The following GALNT18 variants were observed in gnomAD, a reference collection of about 807,000 sequenced individuals.
GALNT18 encodes the protein GalNAc-transferase 18.
GALNT18 carries 44 observed loss-of-function variants against 69.5 expected under a neutral mutation model. That is an observed-to-expected ratio of 0.63 (90% CI 0.50 to 0.81). The LOEUF is 0.81. Ranked by LOEUF, GALNT18 falls within the 40% of genes least tolerant of loss-of-function variation. GALNT18 has a pLI of 0.00. For missense variants in GALNT18, 715 were observed against 810.0 expected (o/e 0.88, Z 1.42); for synonymous variants, 364 against 318.2 (o/e 1.14, Z -1.53).
In GALNT18 at chr11:11,605,373, C is replaced by T. The variant is rs1178021094; in HGVS notation, c.235+15986G>A. Among the ~76,000 whole-genome samples, 1 of 152,226 alleles carries T rather than the reference C, an allele frequency of 6.6e-6. No homozygotes were observed. Among genetic ancestry groups the T allele is most frequent in the East Asian group, 1.9e-4 (1 of 5,180 alleles). On this transcript the variant is annotated intron_variant, in intron 1 of 10. Transcript: ENST00000227756. The surrounding 1 kb of genome is among the most constrained non-coding windows in gnomAD (Gnocchi z 4.7). ...GGGTTGCCCTCTCTCAGCTCCCTCT[C>T]CTCACTGCAGACCTTTCCCGACACC...
chr11:11,596,938 T>A lies in GALNT18; in HGVS notation c.235+24421A>T, dbSNP rs60020974. Among the ~76,000 whole-genome samples, 3,762 of 152,280 alleles carry A rather than the reference T, an allele frequency of 0.025. 165 individuals carry two copies. The highest frequency in any genetic ancestry group is 0.086 in the African/African-American group (3,582 of 41,550). ...TTAAGTATGATGTTAGTTGTGGGAT[T>A]TTTTGTAGATGTTCTTCATCAGGTT... On this transcript the variant is annotated intron_variant, in intron 1 of 10. Coordinates refer to ENST00000227756, the MANE Select transcript of GALNT18 (RefSeq NM_198516.3). This position sits in a 1 kb window ranked among gnomAD's most constrained non-coding sequence, Gnocchi z 4.2.
intron 9 of GALNT18, among the ~76,000 whole-genome samples, chr11:11,294,234 C>G (rs1352796450): frequency 6.6e-6 from 1 of 152,240 alleles, no homozygotes; most frequent in African/African-American, 2.4e-5. Context: ...AGGACATGCT[C>G]AATTCCTCTG....
intron 2 of GALNT18, among the ~76,000 whole-genome samples, chr11:11,433,716 C>T (rs1249282865): frequency 1.3e-5 from 2 of 152,202 alleles, no homozygotes; most frequent in African/African-American, 4.8e-5. Context: ...GTAGTTCCCT[C>T]CTCTGCAAGC....
chr11:11,310,285 G>A (rs1325930552), intron 9 of GALNT18, among the ~76,000 whole-genome samples: 2 of 152,188 alleles, frequency 1.3e-5, no homozygotes, highest in Non-Finnish European at 2.9e-5. Flanking sequence ...TGCGAGAAGG[G>A]GAACACTGGC....
intron 6 of GALNT18, among the ~76,000 whole-genome samples, chr11:11,363,392 G>A (rs918466531): frequency 6.6e-6 from 1 of 152,136 alleles, no homozygotes; most frequent in Non-Finnish European, 1.5e-5. Flanking sequence ...ATAGGAATTT[G>A]ACTGTACATC....
At chr11:11,478,048 G>A (rs910541286) in intron 1 of GALNT18, among the ~76,000 whole-genome samples, 4 of 152,174 alleles carry the variant, frequency 2.6e-5, no homozygotes, top group Admixed American at 2.6e-4. Flanking sequence ...TATGCTCTCA[G>A]CAAAACAAAT....
intron 6 of GALNT18, among the ~76,000 whole-genome samples, chr11:11,342,700 T>C (rs1850230985): frequency 6.6e-6 from 1 of 152,208 alleles, no homozygotes; most frequent in South Asian, 2.1e-4. Context: ...GGACTGTACA[T>C]TCAGGAAGGC....
At chr11:11,279,599 C>CGATAAG (rs71037021) in intron 10 of GALNT18, among the ~76,000 whole-genome samples, 88,400 of 151,502 alleles carry the variant, frequency 0.58, 26,616 homozygotes, top group Middle Eastern at 0.73. Context: ...TAGCTATACT[C>CGATAAG]GATAAATCTC....
intron 6 of GALNT18, among the ~76,000 whole-genome samples, chr11:11,366,538 TA>T (rs1850773998): frequency 6.6e-6 from 1 of 152,204 alleles, no homozygotes; most frequent in East Asian, 1.9e-4. Flanking sequence ...TTGACCAACA[TA>T]AACATTTTTA....
chr11:11,352,268 A>C, intron 6 of GALNT18: 1 of 1,614,130 alleles, frequency 6.2e-7, no homozygotes, highest in Non-Finnish European at 8.5e-7. Flanking sequence ...CACTGTGGAC[A>C]AAGCGTTCCC....
chr11:11,601,448 T>C lies in GALNT18; in HGVS notation c.235+19911A>G, dbSNP rs570489605. 4.3e-4 allele frequency among the ~76,000 whole-genome samples: 65 copies of C among 152,344 alleles called. No homozygotes were observed. Among genetic ancestry groups the C allele is most frequent in the African/African-American group, 1.5e-3 (61 of 41,578 alleles). On this transcript the variant is annotated intron_variant, in intron 1 of 10. Transcript: ENST00000227756. The surrounding 1 kb of genome is among the most constrained non-coding windows in gnomAD (Gnocchi z 4.0). Reference sequence around the variant, plus strand: ...AGGATGACAGTGATTTTAGCAGAGCTCCTTTTAACTGTCTCTATTGCTTAT... The same window carrying C: ...AGGATGACAGTGATTTTAGCAGAGCCCCTTTTAACTGTCTCTATTGCTTAT...
intron 3 of GALNT18, among the ~76,000 whole-genome samples, chr11:11,391,287 C>A (rs1854185111): frequency 6.6e-6 from 1 of 152,216 alleles, no homozygotes. Flanking sequence ...CTCCTAAGAT[C>A]TTTATTTGTA....
At chr11:11,420,710 G>A (rs1854984882) in intron 3 of GALNT18, among the ~76,000 whole-genome samples, 1 of 152,192 alleles carries the variant, frequency 6.6e-6, no homozygotes, top group Admixed American at 6.5e-5. Flanking sequence ...TGCCAAGAAT[G>A]AACAAGGAGA....
intron 3 of GALNT18, among the ~76,000 whole-genome samples, chr11:11,416,852 C>T (rs1321394853): frequency 6.6e-6 from 1 of 152,180 alleles, no homozygotes; most frequent in African/African-American, 2.4e-5. Context: ...GATAGCAGCC[C>T]AAACCCTGAG....
At position 11,340,612 on chromosome 11, in the gene GALNT18, C is replaced by A. The variant is rs1351632533; in HGVS notation, c.1278+207G>T. Among the ~76,000 whole-genome samples, 1 of 152,042 alleles carries A rather than the reference C, an allele frequency of 6.6e-6. No individual in the cohort carries two copies. Among genetic ancestry groups the A allele is most frequent in the African/African-American group, 2.4e-5 (1 of 41,386 alleles). ...AGAAGTCCTCATCAAGCATGCTGAC[C>A]AGGGATTAGGGTAGCAGGATAAGAA... On this transcript the variant is annotated intron_variant, in intron 7 of 10. Transcript: ENST00000227756. The surrounding 1 kb of genome is among the most constrained non-coding windows in gnomAD (Gnocchi z 4.2).
intron 6 of GALNT18, among the ~76,000 whole-genome samples, chr11:11,363,449 T>C (rs1362639315): frequency 6.6e-6 from 1 of 152,134 alleles, no homozygotes; most frequent in African/African-American, 2.4e-5. Flanking sequence ...AATTAAACCA[T>C]TTATCATATC....
At position 11,391,143 on chromosome 11, in the gene GALNT18, T is replaced by G. The variant is rs559048870; in HGVS notation, c.596-11879A>C. On this transcript the variant is annotated intron_variant, in intron 3 of 10. Coordinates refer to ENST00000227756, the MANE Select transcript of GALNT18 (RefSeq NM_198516.3). ...CAAACTGCCCTGGGACATCCCCAGG[T>G]GCAGGACACAGTTGCTGCTCTTCAA... is the stretch of plus-strand genomic sequence containing the variant. 7.2e-5 allele frequency among the ~76,000 whole-genome samples: 11 copies of G among 152,326 alleles called. No individual in the cohort carries two copies. In the South Asian group the frequency reaches 1.4e-3, roughly 20 times the overall value.
intron 1 of GALNT18, among the ~76,000 whole-genome samples, chr11:11,548,142 T>C (rs986612859): frequency 5.3e-5 from 8 of 152,228 alleles, no homozygotes; most frequent in African/African-American, 1.9e-4. Flanking sequence ...TTTGCCATCA[T>C]TTCATATCAC....
At chr11:11,409,511 C>G (rs1351292983) in intron 3 of GALNT18, among the ~76,000 whole-genome samples, 2 of 152,126 alleles carry the variant, frequency 1.3e-5, no homozygotes, top group African/African-American at 4.8e-5. Context: ...CTGTGCTCAG[C>G]CAGGTCCTCT....
Sources: allele counts gnomAD v4.1 joint callset (sites outside exome capture counted in the v4.1 genomes callset), GRCh38; gene constraint gnomAD v4.1.1; non-coding constraint Gnocchi (gnomAD v3.1); transcripts MANE v1.5; gene names NCBI Gene and HGNC (gene_info 2026-07-23, HGNC 2026-07-21).